Variants in KLHL1 observed in about 807,000 individuals in gnomAD.
KLHL1 encodes kelch like family member 1.
KLHL1 carries 47 observed loss-of-function variants against 77.7 expected under a neutral mutation model. The ratio of observed to expected loss-of-function variants is 0.60; its 90% CI spans 0.48 to 0.77. KLHL1 has a LOEUF of 0.77. Ranked by LOEUF, KLHL1 falls within the 30% of genes least tolerant of loss-of-function variation. The pLI is 0.00. For missense variants in KLHL1, 925 were observed against 910.8 expected (o/e 1.02, Z -0.20); for synonymous variants, 360 against 325.2 (o/e 1.11, Z -1.15).
chr13:70,102,064 G>C (rs1887935562), intron 1 of KLHL1, among the ~76,000 whole-genome samples: 1 of 151,936 alleles, frequency 6.6e-6, no homozygotes, highest in Admixed American at 6.6e-5. Context: ...TTTCATAGAA[G>C]TATAGTTTGA....
intron 7 of KLHL1, among the ~76,000 whole-genome samples, chr13:69,755,493 A>G (rs931268242): frequency 9.2e-5 from 14 of 152,118 alleles, no homozygotes; most frequent in Admixed American, 7.2e-4. Flanking sequence ...ATTTGTAAAC[A>G]TATGGTATTA....
At chr13:69,814,829 G>A (rs1878049613) in intron 6 of KLHL1, among the ~76,000 whole-genome samples, 1 of 151,964 alleles carries the variant, frequency 6.6e-6, no homozygotes, top group Non-Finnish European at 1.5e-5. Flanking sequence ...TGGCTAACAT[G>A]GTGAAACCCC....
At chr13:69,705,179 G>T (rs1875569014) in intron 10 of KLHL1, among the ~76,000 whole-genome samples, 1 of 151,478 alleles carries the variant, frequency 6.6e-6, no homozygotes, top group Admixed American at 6.6e-5. Context: ...TAGGAGAAAT[G>T]GAATAAAGTT....
intron 1 of KLHL1, among the ~76,000 whole-genome samples, chr13:70,044,214 A>G (rs1886442723): frequency 6.6e-6 from 1 of 152,134 alleles, no homozygotes; most frequent in Admixed American, 6.6e-5. Context: ...TTAGAACTCT[A>G]CATTTGCTCC....
chr13:69,916,268 C>T (rs1369669455), intron 4 of KLHL1, among the ~76,000 whole-genome samples: 2 of 152,240 alleles, frequency 1.3e-5, no homozygotes, highest in Non-Finnish European at 2.9e-5. Flanking sequence ...ACAAATCATG[C>T]TGCTATAAAG....
At chr13:69,980,067 G>A (rs964607600) in intron 1 of KLHL1, among the ~76,000 whole-genome samples, 6 of 152,088 alleles carry the variant, frequency 3.9e-5, no homozygotes, top group African/African-American at 1.4e-4. Context: ...TATCATTGAC[G>A]GCTGAGAACT....
chr13:70,061,268 G>GCTA (rs552427844), intron 1 of KLHL1, among the ~76,000 whole-genome samples: 13 of 152,048 alleles, frequency 8.5e-5, no homozygotes, highest in Non-Finnish European at 1.9e-4. Context: ...TTAGAATGTA[G>GCTA]CTACACAGGA....
chr13:69,956,898 G>C (rs75293487), intron 3 of KLHL1, among the ~76,000 whole-genome samples: 1 of 151,548 alleles, frequency 6.6e-6, no homozygotes, highest in Admixed American at 6.6e-5. Flanking sequence ...GAAAACGTTC[G>C]TCTGTAAAAT....
intron 7 of KLHL1, among the ~76,000 whole-genome samples, chr13:69,771,551 C>T (rs1380144399): frequency 6.6e-6 from 1 of 152,170 alleles, no homozygotes; most frequent in Non-Finnish European, 1.5e-5. Flanking sequence ...GCTTTCCTTA[C>T]ACTTCTAGCA....
chr13:69,971,509 T>G (rs1162045928), intron 2 of KLHL1, among the ~76,000 whole-genome samples: 2 of 152,096 alleles, frequency 1.3e-5, no homozygotes, highest in Non-Finnish European at 2.9e-5. Context: ...TCATTATCCT[T>G]GTAATTTTTG....
intron 4 of KLHL1, among the ~76,000 whole-genome samples, chr13:69,921,265 T>C (rs1351642115): frequency 6.6e-6 from 1 of 152,216 alleles, no homozygotes; most frequent in Non-Finnish European, 1.5e-5. Flanking sequence ...GCAACATCAT[T>C]TATAATGAAT....
At chr13:69,953,853 G>A (rs1049969874) in intron 3 of KLHL1, among the ~76,000 whole-genome samples, 11 of 151,140 alleles carry the variant, frequency 7.3e-5, no homozygotes, top group Non-Finnish European at 1.3e-4. Context: ...GAAGGATTGT[G>A]AAAAAGATTT....
intron 7 of KLHL1, among the ~76,000 whole-genome samples, chr13:69,765,115 C>T (rs914861982): frequency 6.6e-6 from 1 of 151,262 alleles, no homozygotes; most frequent in Non-Finnish European, 1.5e-5. Context: ...CCATGCCTGG[C>T]TAATTATTAT....
Position 70,033,426 on chromosome 13 carries a change from C to A in KLHL1, c.498-57624G>T, listed in dbSNP as rs372305812. ...TGCCTCAGCCTCTCCAGTAGCTGGGCCTACAGGTGCCCACCACCACGCCTG... is the reference window on the plus strand; with the variant it reads ...TGCCTCAGCCTCTCCAGTAGCTGGGACTACAGGTGCCCACCACCACGCCTG... On this transcript the variant is annotated intron_variant, in intron 1 of 10. Transcript: ENST00000377844. 2.6e-4 allele frequency among the ~76,000 whole-genome samples: 39 copies of A among 151,318 alleles called. No homozygotes were observed. The East Asian group carries it at 3.8e-3, about 15-fold the overall frequency.
intron 7 of KLHL1, among the ~76,000 whole-genome samples, chr13:69,748,193 T>G (rs1160169817): frequency 6.6e-6 from 1 of 152,006 alleles, no homozygotes; most frequent in Non-Finnish European, 1.5e-5. Flanking sequence ...AAAATGCAAA[T>G]GAGTTCTGGT....
At chr13:69,951,660 T>C (rs1883715657) in intron 3 of KLHL1, among the ~76,000 whole-genome samples, 1 of 151,526 alleles carries the variant, frequency 6.6e-6, no homozygotes, top group African/African-American at 2.4e-5. Flanking sequence ...ACAAAGATTT[T>C]GTATTTTTGT....
At chr13:69,717,619 T>G (rs912454008) in intron 9 of KLHL1, among the ~76,000 whole-genome samples, 2 of 152,136 alleles carry the variant, frequency 1.3e-5, no homozygotes, top group African/African-American at 2.4e-5. Flanking sequence ...TGAGAATATT[T>G]GGATGAAATA....
chr13:69,775,398 T>G (rs2137990633), intron 7 of KLHL1, among the ~76,000 whole-genome samples: 1 of 152,300 alleles, frequency 6.6e-6, no homozygotes, highest in Admixed American at 6.5e-5. Flanking sequence ...AACTAGTAAC[T>G]ATCAATGTCA....
chr13:69,827,098 C>T (rs923499079), intron 6 of KLHL1, among the ~76,000 whole-genome samples: 66 of 149,414 alleles, frequency 4.4e-4, no homozygotes, highest in Admixed American at 1.3e-3. Context: ...ATTTTGAAAA[C>T]ATGTTATTAA....
Sources: allele counts gnomAD v4.1 joint callset (sites outside exome capture counted in the v4.1 genomes callset), GRCh38; gene constraint gnomAD v4.1.1; transcripts MANE v1.5; gene names NCBI Gene and HGNC (gene_info 2026-07-23, HGNC 2026-07-21).